DLEU7: variants seen among roughly 807,000 people sequenced by gnomAD.
The protein encoded by DLEU7 is leukemia-associated protein 7.
A neutral mutation model predicts 16.0 loss-of-function variants in DLEU7; 17 were observed. That is an observed-to-expected ratio of 1.06 (90% confidence interval 0.73 to 1.59). The LOEUF is 1.59. Among genes scored for constraint, DLEU7 ranks in the 40% most tolerant of loss-of-function variants. The pLI is 0.00. For synonymous variants in DLEU7, 113 were observed against 139.8 expected, an observed-to-expected ratio of 0.81 and a Z score of 1.35; for missense variants, 308 against 314.9, an observed-to-expected ratio of 0.98 and a Z score of 0.17.
At chr13:50,722,395 T>G (rs570228680) in intron 1 of DLEU7, among the ~76,000 whole-genome samples, 27 of 152,374 alleles carry the variant, frequency 1.8e-4, no homozygotes, top group African/African-American at 6.0e-4. Context: ...CTAATCTGTA[T>G]TTTGACTTTG....
At chr13:50,753,324 C>G (rs583646) in intron 1 of DLEU7, among the ~76,000 whole-genome samples, 73,003 of 152,146 alleles carry the variant, frequency 0.48, 18,723 homozygotes, top group African/African-American at 0.65. Flanking sequence ...TCAGCCCTTG[C>G]GTGGTCAATG....
At chr13:50,758,402 A>G (rs1874825659) in intron 1 of DLEU7, among the ~76,000 whole-genome samples, 1 of 152,124 alleles carries the variant, frequency 6.6e-6, no homozygotes, top group African/African-American at 2.4e-5. Context: ...CCACTGCTGC[A>G]TAACAAATGG....
exon 2 of DLEU7, chr13:50,711,903 G>A (rs550264973): frequency 4.0e-5 from 6 of 149,210 alleles, no homozygotes; most frequent in African/African-American, 7.4e-5. Context: ...TTTTTTCTGC[G>A]TAAGAAAAAT....
At chr13:50,725,380 A>T (rs184144511) in intron 1 of DLEU7, among the ~76,000 whole-genome samples, 2 of 152,124 alleles carry the variant, frequency 1.3e-5, no homozygotes, top group African/African-American at 2.4e-5. Flanking sequence ...TTGTAGGAGG[A>T]TGAGAGGCTG....
At chr13:50,755,175 G>T (rs662688) in intron 1 of DLEU7, among the ~76,000 whole-genome samples, 72,054 of 151,976 alleles carry the variant, frequency 0.47, 18,124 homozygotes, top group African/African-American at 0.63. Flanking sequence ...TGTAGGTGAT[G>T]ATCTTTTTGT....
chr13:50,802,822 T>C (rs1340643278), intron 1 of DLEU7, among the ~76,000 whole-genome samples: 1 of 152,214 alleles, frequency 6.6e-6, no homozygotes. Context: ...GTGTATATCA[T>C]ACATGTACAT....
Position 50,748,902 on chromosome 13 carries a change from T to C in DLEU7, c.460-35662A>G, listed in dbSNP as rs534738418. Among the ~76,000 whole-genome samples the C allele has an allele frequency of 2.0e-4, 31 of 152,274 alleles. No homozygotes were observed. In the South Asian group the frequency reaches 5.4e-3, roughly 27 times the overall value. On this transcript the variant is annotated intron_variant, in intron 1 of 1. Coordinates refer to the DLEU7 transcript ENST00000400393. ...TCAAGTCAATCTACATGCTTTTTTTTCCCCATAGGTTATTGGGGTACGGGT... is the reference window on the plus strand; with the variant it reads ...TCAAGTCAATCTACATGCTTTTTTTCCCCCATAGGTTATTGGGGTACGGGT...
At chr13:50,790,488 CT>C (rs1329879887) in intron 1 of DLEU7, among the ~76,000 whole-genome samples, 1 of 151,910 alleles carries the variant, frequency 6.6e-6, no homozygotes, top group Admixed American at 6.6e-5. Context: ...ACCCCCGCTG[CT>C]TTTTCATGTT....
intron 1 of DLEU7, among the ~76,000 whole-genome samples, chr13:50,732,890 G>A (rs1873957101): frequency 6.6e-6 from 1 of 152,170 alleles, no homozygotes; most frequent in African/African-American, 2.4e-5. Context: ...CCAGAGTGTG[G>A]CAGAGGAGGC....
intron 1 of DLEU7, among the ~76,000 whole-genome samples, chr13:50,838,457 C>T (rs997019429): frequency 4.6e-5 from 7 of 152,208 alleles, no homozygotes; most frequent in South Asian, 2.1e-4. Flanking sequence ...GCTTGGCTAA[C>T]GGTCCATATG....
intron 1 of DLEU7, among the ~76,000 whole-genome samples, chr13:50,758,306 A>T (rs1874823163): frequency 6.6e-6 from 1 of 152,232 alleles, no homozygotes; most frequent in Non-Finnish European, 1.5e-5. Context: ...TGTGTCTTTA[A>T]GACTGTGGTA....
chr13:50,761,243 G>A (rs1053528075), intron 1 of DLEU7, among the ~76,000 whole-genome samples: 3 of 152,328 alleles, frequency 2.0e-5, no homozygotes, highest in South Asian at 2.1e-4. Flanking sequence ...AAGGAGGGCA[G>A]AATGTTTTAT....
intron 1 of DLEU7, among the ~76,000 whole-genome samples, chr13:50,841,774 T>C (rs942000194): frequency 1.3e-5 from 2 of 151,380 alleles, no homozygotes; most frequent in Admixed American, 1.3e-4. Context: ...AATTAGCATG[T>C]AACTTATAAT....
At chr13:50,771,199 C>T (rs930297357) in intron 1 of DLEU7, among the ~76,000 whole-genome samples, 2 of 152,086 alleles carry the variant, frequency 1.3e-5, no homozygotes, top group Non-Finnish European at 2.9e-5. Context: ...TTTTGTTGAT[C>T]TTTTCAAAAA....
chr13:50,788,893 G>A (rs1566251532), intron 1 of DLEU7, among the ~76,000 whole-genome samples: 1 of 152,078 alleles, frequency 6.6e-6, no homozygotes, highest in East Asian at 1.9e-4. Flanking sequence ...CACACCAACT[G>A]CATTTTATTT....
At chr13:50,794,981 T>A (rs972332955) in intron 1 of DLEU7, among the ~76,000 whole-genome samples, 1 of 151,790 alleles carries the variant, frequency 6.6e-6, no homozygotes, top group African/African-American at 2.4e-5. Flanking sequence ...CAAAATTACT[T>A]GGTGACGGCT....
At chr13:50,773,250 C>T (rs559650634) in intron 1 of DLEU7, among the ~76,000 whole-genome samples, 22 of 152,228 alleles carry the variant, frequency 1.4e-4, no homozygotes, top group African/African-American at 5.1e-4. Flanking sequence ...TATTACCGAC[C>T]TTCTGAAGCC....
At chr13:50,723,739 C>T (rs1008156772) in intron 1 of DLEU7, among the ~76,000 whole-genome samples, 1 of 152,184 alleles carries the variant, frequency 6.6e-6, no homozygotes, top group East Asian at 1.9e-4. Flanking sequence ...CTCCCAAAGG[C>T]CCCATCTCCA....
intron 1 of DLEU7, among the ~76,000 whole-genome samples, chr13:50,778,697 A>G (rs1157868386): frequency 6.6e-6 from 1 of 152,234 alleles, no homozygotes; most frequent in Non-Finnish European, 1.5e-5. Flanking sequence ...TTGAAGGTCA[A>G]ATTTCCTAGT....
Sources: allele counts gnomAD v4.1 joint callset (sites outside exome capture counted in the v4.1 genomes callset), GRCh38; gene constraint gnomAD v4.1.1; transcripts MANE v1.5; gene names NCBI Gene and HGNC (gene_info 2026-07-23, HGNC 2026-07-21).